CCDC7: variants seen among roughly 807,000 people sequenced by gnomAD.
CCDC7 encodes the protein coiled-coil domain-containing protein 7.
Under a neutral mutation model 196.9 loss-of-function variants are expected in CCDC7, and 183 were observed. That is an observed-to-expected ratio of 0.93 (90% CI 0.82 to 1.05). The LOEUF (loss-of-function observed/expected upper bound fraction) is 1.05, where lower values mean the gene tolerates loss of function less well. Among genes scored for constraint, CCDC7 ranks in the 50% least tolerant of loss-of-function variants. The pLI is 0.00. For synonymous variants in CCDC7, 525 were observed against 484.6 expected (o/e 1.08, Z -1.10); for missense variants, 1,540 against 1,482.2 (o/e 1.04, Z -0.64).
Position 32,528,706 on chromosome 10 carries a change from G to A in CCDC7, c.993+10201G>A, listed in dbSNP as rs1192177736. Among the ~76,000 whole-genome samples, 97 of 140,672 alleles carry A rather than the reference G, an allele frequency of 6.9e-4. 1 individual carries two copies. Among genetic ancestry groups the A allele is most frequent in the African/African-American group, 2.4e-3 (90 of 37,378 alleles). The allele number at this position is 140,672 out of a possible 152,430, so 92.3% of individuals were successfully genotyped here. The stretch of plus-strand genomic sequence containing the variant: ...CATATATATACACACACATATATAT[G>A]TATATATACATATATACGTATTTAC... On this transcript the variant is annotated intron_variant, in intron 11 of 41. Coordinates refer to ENST00000639629, the Ensembl canonical transcript of CCDC7.
chr10:32,592,492 T>C (rs950471423), intron 18 of CCDC7, among the ~76,000 whole-genome samples: 1 of 152,164 alleles, frequency 6.6e-6, no homozygotes, highest in Admixed American at 6.6e-5. Context: ...TGTACAACTT[T>C]CGCTGCATCT....
chr10:32,521,020 A>G (rs2047796731), intron 11 of CCDC7, among the ~76,000 whole-genome samples: 1 of 151,996 alleles, frequency 6.6e-6, no homozygotes, highest in South Asian at 2.1e-4. Flanking sequence ...CTTGAAAATG[A>G]GTTCATCGTA....
At chr10:32,684,092 G>T (rs1335067) in intron 21 of CCDC7, among the ~76,000 whole-genome samples, 6,294 of 152,190 alleles carry the variant, frequency 0.041, 132 homozygotes, top group Middle Eastern at 0.065. Flanking sequence ...GATCAGGTTG[G>T]GGGGTGGGGT....
chr10:32,612,844 G>A (rs867274277), intron 18 of CCDC7, among the ~76,000 whole-genome samples: 2 of 151,322 alleles, frequency 1.3e-5, no homozygotes, highest in African/African-American at 4.9e-5. Flanking sequence ...TTTTTGCATC[G>A]ATGTTCATCA....
rs566525571 is a variant in CCDC7, at chr10:32,706,722, G to A, written c.2459-4898G>A. On this transcript the variant is annotated intron_variant, in intron 24 of 41. Transcript: ENST00000639629. Reference sequence around the variant, plus strand: ...CACAACTAAACTAGAAAATCTAGAAGAAATGGATAAATTCCTGGACACATA... The same window carrying A: ...CACAACTAAACTAGAAAATCTAGAAAAAATGGATAAATTCCTGGACACATA... 2.6e-4 allele frequency among the ~76,000 whole-genome samples: 39 copies of A among 152,286 alleles called. No individual in the cohort carries two copies. In the South Asian group the frequency reaches 7.9e-3, roughly 31 times the overall value.
At chr10:32,511,068 AAG>A (rs2135335978) in intron 9 of CCDC7, among the ~76,000 whole-genome samples, 1 of 139,370 alleles carries the variant, frequency 7.2e-6, no homozygotes, top group Non-Finnish European at 1.5e-5. Context: ...ATAAAGAAAT[AAG>A]AGTCTCATCA....
chr10:32,623,513 CTTTGTT>C (rs1282572009), intron 18 of CCDC7, among the ~76,000 whole-genome samples: 1 of 151,980 alleles, frequency 6.6e-6, no homozygotes, highest in African/African-American at 2.4e-5. Flanking sequence ...TGCACAAATA[CTTTGTT>C]TTTAACACTT....
chr10:32,668,222 A>G (rs1286307007), intron 21 of CCDC7, among the ~76,000 whole-genome samples: 1 of 152,288 alleles, frequency 6.6e-6, no homozygotes, highest in African/African-American at 2.4e-5. Context: ...TTGATTTTGT[A>G]TCCTGAGACT....
At chr10:32,657,482 G>A (rs2070210114) in intron 20 of CCDC7, among the ~76,000 whole-genome samples, 1 of 152,236 alleles carries the variant, frequency 6.6e-6, no homozygotes, top group South Asian at 2.1e-4. Context: ...GCCAAGGCTT[G>A]GGGCTTGCAC....
chr10:32,536,942 T>C (rs12259710), intron 11 of CCDC7, among the ~76,000 whole-genome samples: 17,200 of 152,246 alleles, frequency 0.11, 1,170 homozygotes, highest in South Asian at 0.27. Flanking sequence ...CTATTGTGAA[T>C]AGTGCTGCAA....
At chr10:32,857,718 G>A (rs1396785832) in intron 41 of CCDC7, among the ~76,000 whole-genome samples, 1 of 151,646 alleles carries the variant, frequency 6.6e-6, no homozygotes, top group Non-Finnish European at 1.5e-5. Context: ...TATGCCTCAA[G>A]GAGTTGGAAA....
chr10:32,739,664 T>C (rs191515373), intron 28 of CCDC7, among the ~76,000 whole-genome samples: 2 of 152,182 alleles, frequency 1.3e-5, no homozygotes, highest in East Asian at 3.9e-4. Context: ...GTTTTTTTTT[T>C]TTACTTTTAG....
rs577469547 is a variant in CCDC7 at position 32,695,898 on chromosome 10, C to T, written c.2458+906C>T. Among the ~76,000 whole-genome samples, 85 of 152,230 alleles carry T rather than the reference C, an allele frequency of 5.6e-4. No homozygotes were observed. In the South Asian group the frequency reaches 0.017, roughly 31 times the overall value. On this transcript the variant is annotated intron_variant, in intron 24 of 41. Coordinates refer to ENST00000639629, the Ensembl canonical transcript of CCDC7. ...AGCAGTGCCAAAGACAGAACTACGG[C>T]ATGAGCCACCAATAGTCAATTCTTT...
chr10:32,481,218 T>A (rs2134132315), intron 8 of CCDC7, among the ~76,000 whole-genome samples: 1 of 152,328 alleles, frequency 6.6e-6, no homozygotes, highest in South Asian at 2.1e-4. Flanking sequence ...ATTTATTCTG[T>A]GAGTAAGCAG....
chr10:32,744,852 T>G (rs574485364), intron 28 of CCDC7, among the ~76,000 whole-genome samples: 1 of 152,324 alleles, frequency 6.6e-6, no homozygotes, highest in East Asian at 1.9e-4. Context: ...TCTTCTTTGT[T>G]GTTGATTGTC....
intron 22 of CCDC7, among the ~76,000 whole-genome samples, chr10:32,686,580 G>A (rs557673967): frequency 6.6e-6 from 1 of 152,266 alleles, no homozygotes; most frequent in African/African-American, 2.4e-5. Context: ...AGGCCTTTTT[G>A]GTAACTTTAA....
chr10:32,872,763 G>A (rs555057053), intron 41 of CCDC7, among the ~76,000 whole-genome samples: 1 of 152,070 alleles, frequency 6.6e-6, no homozygotes, highest in African/African-American at 2.4e-5. Context: ...GCATTTGCTT[G>A]TCTGTAAAGG....
At chr10:32,596,609 G>T (rs1033760365) in intron 18 of CCDC7, among the ~76,000 whole-genome samples, 1 of 152,204 alleles carries the variant, frequency 6.6e-6, no homozygotes, top group Non-Finnish European at 1.5e-5. Flanking sequence ...ATTAGTTGAT[G>T]CAGCTTCTTC....
At chr10:32,695,038 T>C in intron 24 of CCDC7, 46 bp downstream of exon 25, 1 of 998,060 alleles carries the variant, frequency 1.0e-6, no homozygotes, top group Non-Finnish European at 1.4e-6. Flanking sequence ...AAAGTTAATC[T>C]CATTAGATCA....
Sources: gnomAD v4.1 joint callset for allele counts (sites outside exome capture counted in the v4.1 genomes callset) on GRCh38, gnomAD v4.1.1 for gene constraint, MANE v1.5 for transcripts, NCBI Gene and HGNC (gene_info 2026-07-23, HGNC 2026-07-21) for gene names.